The following CCNE2 variants were observed in gnomAD, a reference collection of about 807,000 sequenced individuals.
CCNE2 encodes the protein G1/S-specific cyclin-E2.
Under a neutral mutation model 56.8 loss-of-function variants are expected in CCNE2, and 18 were observed. The observed-to-expected ratio is 0.32, with a 90% CI of 0.22 to 0.47. The LOEUF is 0.47. Among genes scored for constraint, CCNE2 ranks in the 20% least tolerant of loss-of-function variants. The pLI is 1.00. For missense variants in CCNE2, 371 were observed against 467.1 expected (o/e 0.79, Z 1.90); for synonymous variants, 139 against 149.2 (o/e 0.93, Z 0.50).
intron 9 of CCNE2, 64 bp downstream of exon 9, chr8:94,884,993 CCTATTTAAGA>C: frequency 7.8e-7 from 1 of 1,288,638 alleles, no homozygotes; most frequent in Admixed American, 2.1e-5. Context: ...TGTGGTATAG[CCTATTTAAGA>C]CTATATATAC....
chr8:94,891,659 CAAAAAAAAAAAA>C (rs34021439), intron 5 of CCNE2: 1 of 259,784 alleles, frequency 3.8e-6, no homozygotes, highest in Non-Finnish European at 6.9e-6. Context: ...CCTCTGTCTC[CAAAAAAAAAAAA>C]AAAAAAAAAC....
intron 5 of CCNE2, chr8:94,891,668 A>AAC: frequency 1.9e-6 from 1 of 518,492 alleles, no homozygotes. Flanking sequence ...CCAAAAAAAA[A>AAC]AAAAAAAAAA....
chr8:94,895,381 CT>C (rs528805863), upstream of CCNE2: 169 of 417,768 alleles, frequency 4.0e-4, 2 homozygotes, highest in South Asian at 0.014. Context: ...GGGGTCCACT[CT>C]ACCGGGCCTT....
Position 94,881,054 on chromosome 8 carries a change from C to T in CCNE2, c.*578G>A. The stretch of plus-strand genomic sequence containing the variant: ...AAGGCAAATAAACTAGTTTAAAAAA[C>T]ATTAAATTTCACCATTTGTAGAAAT... On this transcript the variant is annotated 3_prime_UTR_variant, in exon 12 of 12. Transcript: ENST00000308108. 1 of 398,178 alleles carries T rather than the reference C, an allele frequency of 2.5e-6. No homozygotes were observed. The highest frequency in any genetic ancestry group is 4.4e-6 in the Non-Finnish European group (1 of 225,574). 24.7% of individuals were successfully genotyped at this position (398,178 alleles called of 1,614,324 possible). A position where few individuals can be genotyped will look rare whatever the true frequency, so the allele number is the denominator to read the frequency against.
chr8:94,884,147 G>A lies in CCNE2; in HGVS notation c.831+920C>T, dbSNP rs187584107. Among the ~76,000 whole-genome samples, 4 of 152,218 alleles carry A rather than the reference G, an allele frequency of 2.6e-5. 1 individual carries two copies. In the East Asian group the frequency reaches 7.7e-4, roughly 29 times the overall value. On this transcript the variant is annotated intron_variant, in intron 9 of 11. Coordinates refer to ENST00000308108, the MANE Select transcript of CCNE2 (RefSeq NM_057749.3). ...TATCCAATTTGAGTATTCATAATGT[G>A]CTAGATTTAAGCACCACTGCCCACA...
chr8:94,881,351 A>G lies in CCNE2; in HGVS notation c.*281T>C. On this transcript the variant is annotated 3_prime_UTR_variant, in exon 12 of 12. Coordinates refer to ENST00000308108, the MANE Select transcript of CCNE2 (RefSeq NM_057749.3). ...AGTAACACTGGATTAAAGGAAAAAC[A>G]TTGCTATGGTATAGACTGTGGTTGG... The G allele has an allele frequency of 2.4e-6, 1 of 409,786 alleles. No homozygotes were observed. Among genetic ancestry groups the G allele is most frequent in the Non-Finnish European group, 4.3e-6 (1 of 232,100 alleles). The allele number at this position is 409,786 out of a possible 1,614,324, so 25.4% of individuals were successfully genotyped here.
intron 4 of CCNE2, 190 bp downstream of exon 4, chr8:94,893,701 T>C (rs1284406761): frequency 4.9e-6 from 3 of 612,558 alleles, no homozygotes; most frequent in Non-Finnish European, 5.7e-6. Flanking sequence ...AAGGCACTTA[T>C]TCTGCAGCTG....
intron 6 of CCNE2, 49 bp downstream of exon 6, chr8:94,890,366 A>G: frequency 6.9e-7 from 1 of 1,454,970 alleles, no homozygotes; most frequent in Non-Finnish European, 9.2e-7. Context: ...ACAGCTAAAT[A>G]TGTTTCCATC....
chr8:94,882,289 C>T lies in CCNE2; in HGVS notation c.944G>A (p.Gly315Asp). Residue 315 changes from glycine to aspartate, a missense_variant and splice_region_variant, in exon 11 of 12, where the codon GGT (glycine) becomes GAT (aspartate). Gly to Asp is a moderately conservative substitution (Grantham distance 94). Coordinates refer to ENST00000308108, the MANE Select transcript of CCNE2 (RefSeq NM_057749.3). ...TSIEVVKKAS[G>D]LEWDSISECV... ...TTCTGAAATACTGTCCCACTCCAAA[C>T]CTAGATAGATAGAAAAAAGTTAGAA... 6.3e-7 allele frequency: 1 copy of T among 1,589,386 alleles called. No individual in the cohort carries two copies. Among genetic ancestry groups the T allele is most frequent in the Non-Finnish European group, 8.6e-7 (1 of 1,168,690 alleles).
intron 5 of CCNE2, chr8:94,891,656 C>T (rs975217105): frequency 8.4e-6 from 4 of 475,206 alleles, no homozygotes; most frequent in African/African-American, 2.4e-5. Context: ...AAACCTCTGT[C>T]TCCAAAAAAA....
rs1004193099 is a variant in CCNE2, at chr8:94,881,734, A to T, written c.1113T>A (p.Asn371Lys). Reference sequence around the variant, plus strand: ...CCCCTTTTCTGAAGGTGTTTATGTAATTTACTTCCTCCTATACATGGGAAG... The same window carrying T: ...CCCCTTTTCTGAAGGTGTTTATGTATTTTACTTCCTCCTATACATGGGAAG... Reference protein sequence around the residue: ...TNYLAMLEEVNYINTFRKGGQ... With the variant: ...TNYLAMLEEVKYINTFRKGGQ... Residue 371 changes from asparagine to lysine, a missense_variant, in exon 12 of 12, where the codon AAT becomes AAA. Asn to Lys is a moderately conservative substitution (Grantham distance 94, BLOSUM62 0). Coordinates refer to ENST00000308108, the MANE Select transcript of CCNE2 (RefSeq NM_057749.3). 2.5e-6 allele frequency: 4 copies of T among 1,613,790 alleles called. No homozygotes were observed. The highest frequency in any genetic ancestry group is 8.5e-7 in the Non-Finnish European group (1 of 1,179,830).
chr8:94,882,028 T>C, intron 11 of CCNE2, 104 bp downstream of exon 11: 1 of 1,176,920 alleles, frequency 8.5e-7, no homozygotes, highest in Non-Finnish European at 1.2e-6. Flanking sequence ...CTTAGAACTT[T>C]CTTTCCCCTG....
chr8:94,895,208 C>T (rs1817447295), upstream of CCNE2: 2 of 985,740 alleles, frequency 2.0e-6, no homozygotes, highest in South Asian at 9.4e-5. Context: ...GCTCAGCTGG[C>T]GCCGGCGCCA....
At chr8:94,885,674 T>C in intron 7 of CCNE2, 116 bp from the exon 8 acceptor site, 1 of 488,184 alleles carries the variant, frequency 2.0e-6, no homozygotes, top group Non-Finnish European at 3.7e-6. Context: ...AAGTAGAAAG[T>C]GCATTTTCAT....
upstream of CCNE2, among the ~76,000 whole-genome samples, chr8:94,896,144 C>T (rs1586565802): frequency 1.3e-5 from 2 of 152,080 alleles, no homozygotes; most frequent in East Asian, 3.9e-4. Context: ...TAAAACCCCT[C>T]TCCGGAGCGG....
At chr8:94,890,787 T>C (rs1349891759) in intron 5 of CCNE2, among the ~76,000 whole-genome samples, 3 of 151,824 alleles carry the variant, frequency 2.0e-5, no homozygotes. Flanking sequence ...AGAGATGGGG[T>C]TTCACCATGT....
intron 9 of CCNE2, chr8:94,884,066 T>A (rs192317594): frequency 8.9e-5 from 27 of 303,918 alleles, no homozygotes; most frequent in African/African-American, 5.0e-4. Flanking sequence ...GATGAAAAAA[T>A]TAAGCTTTTA....
intron 10 of CCNE2, 128 bp from the exon 11 acceptor site, chr8:94,882,417 T>G: frequency 1.4e-6 from 1 of 739,798 alleles, no homozygotes; most frequent in Non-Finnish European, 2.1e-6. Context: ...CCAAGAAGTT[T>G]AGCATGTCAA....
intron 8 of CCNE2, 65 bp from the exon 9 acceptor site, chr8:94,885,266 G>A: frequency 6.9e-7 from 1 of 1,452,024 alleles, no homozygotes; most frequent in Non-Finnish European, 9.6e-7. Flanking sequence ...TTATACAGCA[G>A]AGCTTAGAGG....
Sources: gnomAD v4.1 joint callset for allele counts (sites outside exome capture counted in the v4.1 genomes callset) on GRCh38, gnomAD v4.1.1 for gene constraint, MANE v1.5 for transcripts, NCBI Gene and HGNC (gene_info 2026-07-23, HGNC 2026-07-21) for gene names.